REDIC1: variants seen among roughly 807,000 people sequenced by gnomAD.
The protein encoded by REDIC1 is HEI10 Interacting Protein 1.
chr12:39,669,037 C>G, the REDIC1 span, among the ~76,000 whole-genome samples: 1 of 152,150 alleles, frequency 6.6e-6, no homozygotes, highest in Non-Finnish European at 1.5e-5. Context: ...TCATCTGAAG[C>G]CTTCTTCTCT....
At chr12:39,721,815 G>A in the REDIC1 span, 25 of 151,470 alleles carry the variant, frequency 1.7e-4, no homozygotes, top group African/African-American at 5.8e-4. Context: ...TTTTTTGTTG[G>A]TGCTATTAAT....
the REDIC1 span, chr12:39,757,412 T>G: frequency 6.6e-6 from 1 of 151,792 alleles, no homozygotes. Flanking sequence ...CCAAATATGC[T>G]GGGAACTTAA....
At chr12:39,825,216 T>C in the REDIC1 span, among the ~76,000 whole-genome samples, 2 of 152,144 alleles carry the variant, frequency 1.3e-5, no homozygotes, top group African/African-American at 4.8e-5. Flanking sequence ...CTATTTTAAA[T>C]AGTCAGGAGG....
chr12:39,896,506 G>GTGTGTA, the REDIC1 span, among the ~76,000 whole-genome samples: 2 of 142,944 alleles, frequency 1.4e-5, no homozygotes, highest in East Asian at 2.1e-4. Flanking sequence ...ATATATGTAT[G>GTGTGTA]TACATGTGTG....
chr12:39,713,903 A>C, the REDIC1 span, among the ~76,000 whole-genome samples: 108,235 of 147,344 alleles, frequency 0.73, 41,142 homozygotes, highest in Non-Finnish European at 0.84. Flanking sequence ...ATACGTATAT[A>C]CGTATGTGTA....
chr12:39,782,330 T>C, the REDIC1 span, among the ~76,000 whole-genome samples: 1 of 152,120 alleles, frequency 6.6e-6, no homozygotes, highest in African/African-American at 2.4e-5. Context: ...GGGGAGCTAA[T>C]TGAATCATGG....
chr12:39,634,117 T>A, the REDIC1 span, among the ~76,000 whole-genome samples: 1 of 152,256 alleles, frequency 6.6e-6, no homozygotes, highest in East Asian at 1.9e-4. Flanking sequence ...TGAGCAGTGG[T>A]TTGTAGTTCT....
chr12:39,730,752 A>G, the REDIC1 span, among the ~76,000 whole-genome samples: 192 of 152,280 alleles, frequency 1.3e-3, no homozygotes, highest in Non-Finnish European at 2.5e-3. Context: ...GTGTTTTCCA[A>G]CTTGGTTCCA....
the REDIC1 span, among the ~76,000 whole-genome samples, chr12:39,742,829 C>T: frequency 6.6e-6 from 1 of 152,064 alleles, no homozygotes; most frequent in Admixed American, 6.6e-5. Flanking sequence ...TTGCTGTCCC[C>T]CAAATTGGAG....
the REDIC1 span, among the ~76,000 whole-genome samples, chr12:39,823,901 A>G: frequency 1.3e-5 from 2 of 152,180 alleles, no homozygotes; most frequent in Non-Finnish European, 2.9e-5. Flanking sequence ...CTTTGTGTTA[A>G]TGTAAATTGC....
At chr12:39,705,906 A>G in the REDIC1 span, among the ~76,000 whole-genome samples, 3 of 152,092 alleles carry the variant, frequency 2.0e-5, no homozygotes, top group African/African-American at 7.2e-5. Flanking sequence ...AGAACATGAC[A>G]AGTATGCCCA....
the REDIC1 span, among the ~76,000 whole-genome samples, chr12:39,690,384 G>A: frequency 6.6e-6 from 1 of 152,024 alleles, no homozygotes; most frequent in Admixed American, 6.5e-5. Flanking sequence ...TTGTTAACAT[G>A]GGAACGTATT....
chr12:39,797,443 A>G, the REDIC1 span, among the ~76,000 whole-genome samples: 2,607 of 152,222 alleles, frequency 0.017, 27 homozygotes, highest in Middle Eastern at 0.037. Flanking sequence ...ATGGTTTTCT[A>G]TTTTCATAAA....
the REDIC1 span, chr12:39,764,942 G>T: frequency 6.8e-7 from 1 of 1,462,652 alleles, no homozygotes; most frequent in Non-Finnish European, 9.3e-7. Context: ...TTATGTATTT[G>T]GAAATTCCTT....
the REDIC1 span, chr12:39,716,955 T>C: frequency 1.7e-6 from 1 of 599,458 alleles, no homozygotes; most frequent in Non-Finnish European, 2.5e-6. Context: ...GAAGTAAAAA[T>C]TAATATAAAC....
the REDIC1 span, among the ~76,000 whole-genome samples, chr12:39,633,601 G>A: frequency 6.6e-6 from 1 of 152,094 alleles, no homozygotes; most frequent in Non-Finnish European, 1.5e-5. Context: ...ATAATTGTAT[G>A]TGCTATACTT....
the REDIC1 span, among the ~76,000 whole-genome samples, chr12:39,702,043 A>T: frequency 2.0e-5 from 3 of 152,152 alleles, no homozygotes; most frequent in African/African-American, 7.2e-5. Context: ...GAAAAGCAAG[A>T]GCAAACACAT....
At chr12:39,633,902 A>G in the REDIC1 span, among the ~76,000 whole-genome samples, 1 of 152,170 alleles carries the variant, frequency 6.6e-6, no homozygotes, top group African/African-American at 2.4e-5. Context: ...TAAAAGATTT[A>G]TATTAAAAAG....
the REDIC1 span, among the ~76,000 whole-genome samples, chr12:39,653,535 T>TCTTCTTCTTCTTCTTCTTC: frequency 1.8e-5 from 1 of 55,824 alleles, no homozygotes; most frequent in Admixed American, 1.9e-4. Context: ...TTCTTCTTCT[T>TCTTCTTCTTCTTCTTCTTC]CTTTTTCTTC....
Sources: gnomAD v4.1 joint callset for allele counts (sites outside exome capture counted in the v4.1 genomes callset) on GRCh38, gnomAD v4.1.1 for gene constraint, MANE v1.5 for transcripts, NCBI Gene and HGNC (gene_info 2026-07-23, HGNC 2026-07-21) for gene names.